Variants in NF1 observed in about 807,000 individuals in gnomAD.
NF1 encodes neurofibromin.
NF1 carries 122 observed loss-of-function variants against 325.7 expected under a neutral mutation model. That is an observed-to-expected ratio of 0.37 (90% CI 0.32 to 0.44). The LOEUF is 0.44. NF1 is among the 20% of genes least tolerant of loss of function. The pLI, the probability that NF1 is intolerant of heterozygous loss-of-function variation, is 1.00. For missense variants in NF1, 2,140 were observed against 3,415.4 expected, an observed-to-expected ratio of 0.63 and a Z score of 9.31; for synonymous variants, 1,091 against 1,186.0, an observed-to-expected ratio of 0.92 and a Z score of 1.65.
At position 31,120,089 on chromosome 17, in the gene NF1, A is replaced by G. The variant is rs1914298874; in HGVS notation, c.60+24720A>G. ...TGTTGCTTAGGATTGTCTTGGCTCT[A>G]CGGGCTCTTTTTTGGTTCCCTATGA... On this transcript the variant is annotated intron_variant, in intron 1 of 57. Coordinates refer to ENST00000358273, the MANE Select transcript of NF1 (RefSeq NM_001042492.3). 2.6e-5 allele frequency among the ~76,000 whole-genome samples: 4 copies of G among 152,198 alleles called. No individual in the cohort carries two copies. The South Asian group carries it at 8.3e-4, about 32-fold the overall frequency.
At chr17:31,371,667 T>C (rs1399395669) in intron 57 of NF1, among the ~76,000 whole-genome samples, 1 of 152,226 alleles carries the variant, frequency 6.6e-6, no homozygotes, top group African/African-American at 2.4e-5. Flanking sequence ...ATGACTAGCC[T>C]TAAAAAATTT....
intron 38 of NF1, among the ~76,000 whole-genome samples, chr17:31,328,538 T>C (rs2151542745): frequency 6.6e-6 from 1 of 152,284 alleles, no homozygotes; most frequent in East Asian, 1.9e-4. Context: ...GTATGTGTAG[T>C]AGTATAGTAT....
At chr17:31,368,026 T>G (rs576935370) in intron 57 of NF1, among the ~76,000 whole-genome samples, 2 of 152,190 alleles carry the variant, frequency 1.3e-5, no homozygotes, top group Non-Finnish European at 2.9e-5. Context: ...GACACATTTA[T>G]GTCTAATTTA....
intron 11 of NF1, among the ~76,000 whole-genome samples, chr17:31,203,180 G>C (rs1279457293): frequency 1.3e-5 from 2 of 152,164 alleles, no homozygotes; most frequent in Non-Finnish European, 2.9e-5. Flanking sequence ...GCCTGGAGTG[G>C]TGCTTCATGC....
chr17:31,095,156 C>T lies in NF1; in HGVS notation c.-154C>T. 3.1e-6 allele frequency: 2 copies of T among 649,860 alleles called. No individual in the cohort carries two copies. Among genetic ancestry groups the T allele is most frequent in the Non-Finnish European group, 2.8e-6 (1 of 360,402 alleles). The allele number at this position is 649,860 out of a possible 1,614,324, so 40.3% of individuals were successfully genotyped here. On this transcript the variant is annotated 5_prime_UTR_variant, in exon 1 of 58. Transcript: ENST00000358273. ...CTCCCCCTCCCGCTCGGCGCTGACC[C>T]CCCATCCCCACCCCCGTGGGAACAC...
chr17:31,237,644 T>A (rs1009331660), intron 29 of NF1, among the ~76,000 whole-genome samples: 2 of 145,528 alleles, frequency 1.4e-5, no homozygotes, highest in African/African-American at 5.3e-5. Context: ...TCTTGACAAC[T>A]TCTCATGTCT....
chr17:31,275,535 T>C (rs1567869496), intron 36 of NF1, among the ~76,000 whole-genome samples: 1 of 152,382 alleles, frequency 6.6e-6, no homozygotes, highest in East Asian at 1.9e-4. Context: ...AATTAAACTT[T>C]ATCACAGGTA....
At chr17:31,123,912 A>G (rs1439655439) in intron 1 of NF1, among the ~76,000 whole-genome samples, 1 of 151,854 alleles carries the variant, frequency 6.6e-6, no homozygotes, top group East Asian at 1.9e-4. Flanking sequence ...TTGTCTCTTT[A>G]TATGTTTATG....
In NF1 at chr17:31,242,034, T is replaced by A. The variant is rs185278684; in HGVS notation, c.3974+6013T>A. On this transcript the variant is annotated intron_variant, in intron 29 of 57. Transcript: ENST00000358273. ...TTCTAAGGTAAAAGTTTTTTTTTTTTCTTTATCACTTGAAATATGTCATGC... is the reference window on the plus strand; with the variant it reads ...TTCTAAGGTAAAAGTTTTTTTTTTTACTTTATCACTTGAAATATGTCATGC... Among the ~76,000 whole-genome samples the A allele has an allele frequency of 6.7e-4, 102 of 152,146 alleles. No individual in the cohort carries two copies. In the East Asian group the frequency reaches 0.018, roughly 26 times the overall value.
chr17:31,291,123 A>G (rs1292592630), intron 36 of NF1, among the ~76,000 whole-genome samples: 1 of 152,074 alleles, frequency 6.6e-6, no homozygotes, highest in African/African-American at 2.4e-5. Context: ...AACATTTCTC[A>G]TTGGAATATT....
At chr17:31,109,951 C>T (rs1319067740) in intron 1 of NF1, among the ~76,000 whole-genome samples, 1 of 151,982 alleles carries the variant, frequency 6.6e-6, no homozygotes, top group African/African-American at 2.4e-5. Context: ...AAATACTGAG[C>T]TGTGGGGGAG....
chr17:31,162,099 C>T (rs1009894198), intron 3 of NF1, among the ~76,000 whole-genome samples: 3 of 147,286 alleles, frequency 2.0e-5, no homozygotes, highest in African/African-American at 5.0e-5. Context: ...AGCAAATCAA[C>T]CTATGTCACT....
At position 31,280,693 on chromosome 17, in the gene NF1, C is replaced by T. The variant is rs200736949; in HGVS notation, c.4835+15354C>T. Among the ~76,000 whole-genome samples the T allele has an allele frequency of 3.0e-4, 45 of 152,112 alleles. No individual in the cohort carries two copies. The East Asian group carries it at 8.1e-3, about 27-fold the overall frequency. Reference sequence around the variant, plus strand: ...AGTATTTGTCACCGGTATTTTACCCCGGTGTAAGATTGCCTCCATCTTACA... The same window carrying T: ...AGTATTTGTCACCGGTATTTTACCCTGGTGTAAGATTGCCTCCATCTTACA... On this transcript the variant is annotated intron_variant, in intron 36 of 57. Transcript: ENST00000358273.
intron 12 of NF1, among the ~76,000 whole-genome samples, chr17:31,211,228 A>G (rs908776019): frequency 6.6e-6 from 1 of 152,332 alleles, no homozygotes; most frequent in African/African-American, 2.4e-5. Flanking sequence ...AATACCTGCA[A>G]TATAGAAGAT....
chr17:31,261,620 A>G (rs1224708823), intron 34 of NF1, 91 bp from the exon 35 acceptor site: 1 of 1,430,972 alleles, frequency 7.0e-7, no homozygotes, highest in Non-Finnish European at 9.8e-7. Flanking sequence ...AGCTGACAGT[A>G]AAAGGAAAAG....
chr17:31,261,933 A>G (rs2067693614), intron 35 of NF1, 76 bp downstream of exon 35: 24 of 1,418,150 alleles, frequency 1.7e-5, no homozygotes, highest in Non-Finnish European at 2.4e-5. Context: ...GCCACTTGTT[A>G]GATATGATAG....
intron 12 of NF1, among the ~76,000 whole-genome samples, chr17:31,211,769 C>T (rs2066731564): frequency 6.6e-6 from 1 of 152,170 alleles, no homozygotes. Context: ...GGACACTTAA[C>T]ACAAATGGAG....
chr17:31,315,519 A>T (rs2151522483), intron 36 of NF1, among the ~76,000 whole-genome samples: 1 of 152,292 alleles, frequency 6.6e-6, no homozygotes, highest in African/African-American at 2.4e-5. Context: ...TTACCCTTTA[A>T]ATATATACAC....
At chr17:31,244,370 A>G (rs372545722) in intron 29 of NF1, among the ~76,000 whole-genome samples, 1 of 152,130 alleles carries the variant, frequency 6.6e-6, no homozygotes, top group East Asian at 1.9e-4. Flanking sequence ...AGCCCAGCAC[A>G]GCACCAGGAC....
Sources: allele counts gnomAD v4.1 joint callset (sites outside exome capture counted in the v4.1 genomes callset), GRCh38; gene constraint gnomAD v4.1.1; transcripts MANE v1.5; gene names NCBI Gene and HGNC (gene_info 2026-07-23, HGNC 2026-07-21).